Variants in HDAC9 observed in about 807,000 individuals in gnomAD.
HDAC9 encodes MEF-2 interacting transcription repressor (MITR) protein.
Under a neutral mutation model 139.4 loss-of-function variants are expected in HDAC9, and 41 were observed. That is an observed-to-expected ratio of 0.29 (90% CI 0.23 to 0.38). The LOEUF is 0.38. HDAC9 is among the 10% of genes least tolerant of loss of function. The pLI is 1.00. For synonymous variants in HDAC9, 517 were observed against 476.2 expected, an observed-to-expected ratio of 1.09 and a Z score of -1.12; for missense variants, 1,147 against 1,297.0, an observed-to-expected ratio of 0.88 and a Z score of 1.78.
chr7:18,380,910 C>T (rs1785373778), intron 1 of HDAC9, among the ~76,000 whole-genome samples: 1 of 151,990 alleles, frequency 6.6e-6, no homozygotes, highest in African/African-American at 2.4e-5. Context: ...AAGATTAGGG[C>T]CAGGTGCTGT....
chr7:18,666,039 A>T (rs1232542009), intron 11 of HDAC9, among the ~76,000 whole-genome samples, 174 bp from the exon 12 acceptor site: 1 of 152,150 alleles, frequency 6.6e-6, no homozygotes. Context: ...GAATAATGGG[A>T]CTACTTTAGA....
rs1816940172 is a variant in HDAC9, at chr7:18,550,995, G to A, written c.23-34286G>A. On this transcript the variant is annotated intron_variant, in intron 2 of 25. Coordinates refer to ENST00000686413, the MANE Select transcript of HDAC9 (RefSeq NM_178425.4). ...TTCTATACTCTTAGCTGTGAAGGTAGAGAGAATTATTATTCATATTATTAA... is the reference window on the plus strand; with the variant it reads ...TTCTATACTCTTAGCTGTGAAGGTAAAGAGAATTATTATTCATATTATTAA... 2.0e-5 allele frequency among the ~76,000 whole-genome samples: 3 copies of A among 152,222 alleles called. No individual in the cohort carries two copies. In the South Asian group the frequency reaches 6.2e-4, roughly 32 times the overall value.
At chr7:18,283,794 G>C (rs914199956) in intron 2 of HDAC9, among the ~76,000 whole-genome samples, 2 of 152,164 alleles carry the variant, frequency 1.3e-5, no homozygotes, top group African/African-American at 4.8e-5. Context: ...TTCAGCTGCA[G>C]AATTAAATGA....
At chr7:18,092,733 A>G (rs1414947790) in intron 1 of HDAC9, among the ~76,000 whole-genome samples, 1 of 152,176 alleles carries the variant, frequency 6.6e-6, no homozygotes, top group Non-Finnish European at 1.5e-5. Flanking sequence ...ATGGGATTGA[A>G]TTGGAAAGTG....
chr7:18,135,837 C>G (rs1249927021), intron 1 of HDAC9, among the ~76,000 whole-genome samples: 2 of 144,544 alleles, frequency 1.4e-5, no homozygotes, highest in East Asian at 3.9e-4. Flanking sequence ...ATGGCTGGGT[C>G]AAATGGTATT....
chr7:18,736,880 G>C (rs755233474), intron 13 of HDAC9, among the ~76,000 whole-genome samples: 1 of 152,014 alleles, frequency 6.6e-6, no homozygotes, highest in Non-Finnish European at 1.5e-5. Context: ...TTTTTTGGTT[G>C]GTAGGCTATT....
chr7:18,301,628 A>G (rs1368437347), intron 1 of HDAC9, among the ~76,000 whole-genome samples: 1 of 152,206 alleles, frequency 6.6e-6, no homozygotes, highest in African/African-American at 2.4e-5. Flanking sequence ...ATTTACATAT[A>G]TAAAAATGTA....
rs1401663809 is a variant in HDAC9, at chr7:18,998,521, C to G, written c.*2459C>G. On this transcript the variant is annotated 3_prime_UTR_variant, in exon 26 of 26. Transcript: ENST00000686413. ...TATCCACAGCATGTAGTTGTAAGAA[C>G]AGAATGCCATTGCTTTTTGATTATA... 6.6e-6 allele frequency: 1 copy of G among 152,202 alleles called. No individual in the cohort carries two copies. The highest frequency in any genetic ancestry group is 1.5e-5 in the Non-Finnish European group (1 of 68,046). 9.4% of individuals were successfully genotyped at this position (152,202 alleles called of 1,614,324 possible).
intron 2 of HDAC9, among the ~76,000 whole-genome samples, chr7:18,260,330 T>G (rs1409901373): frequency 1.4e-5 from 2 of 147,728 alleles, no homozygotes; most frequent in Admixed American, 6.8e-5. Context: ...TTTGTTTTTT[T>G]TTTTTTTGAG....
upstream of HDAC9, among the ~76,000 whole-genome samples, chr7:18,491,343 G>C (rs1796350242): frequency 6.6e-6 from 1 of 151,776 alleles, no homozygotes; most frequent in Admixed American, 6.6e-5. Context: ...AGGTATACTA[G>C]CAACAGTCAC....
rs77849161 is a variant in HDAC9 at position 18,813,919 on chromosome 7, C to T, written c.2323-15242C>T. On this transcript the variant is annotated intron_variant, in intron 17 of 25. Coordinates refer to ENST00000686413, the MANE Select transcript of HDAC9 (RefSeq NM_178425.4). ...GGTGTTCCCACACCACAGTCCATTT[C>T]CTTCTAGGATGTTAGTCCCTCCGTC... is the stretch of plus-strand genomic sequence containing the variant. Among the ~76,000 whole-genome samples, 1,308 of 152,286 alleles carry T rather than the reference C, an allele frequency of 8.6e-3. 27 individuals carry two copies. The highest frequency in any genetic ancestry group is 0.03 in the African/African-American group (1,248 of 41,556).
chr7:18,895,630 T>G (rs1023850821), intron 22 of HDAC9, among the ~76,000 whole-genome samples: 1 of 152,138 alleles, frequency 6.6e-6, no homozygotes, highest in African/African-American at 2.4e-5. Context: ...GAGTGTTATC[T>G]TTTTATGAAA....
At chr7:18,795,387 G>C (rs921141401) in intron 17 of HDAC9, among the ~76,000 whole-genome samples, 1 of 151,696 alleles carries the variant, frequency 6.6e-6, no homozygotes, top group Non-Finnish European at 1.5e-5. Context: ...CTCAATTTCT[G>C]GTTCTGCACA....
chr7:18,700,070 G>C (rs1269473539), intron 12 of HDAC9, among the ~76,000 whole-genome samples: 1 of 151,950 alleles, frequency 6.6e-6, no homozygotes, highest in Non-Finnish European at 1.5e-5. Flanking sequence ...CATAGATGAT[G>C]GTTATAGAGT....
At chr7:18,727,447 T>A (rs973823078) in intron 12 of HDAC9, 133 bp from the exon 13 acceptor site, 1 of 705,632 alleles carries the variant, frequency 1.4e-6, no homozygotes, top group Non-Finnish European at 2.3e-6. Flanking sequence ...TTTCTCTATT[T>A]TTTTTTTCTT....
At chr7:18,823,805 C>A (rs1035123936) in intron 17 of HDAC9, among the ~76,000 whole-genome samples, 1 of 151,784 alleles carries the variant, frequency 6.6e-6, no homozygotes. Context: ...AGAGCAAAAC[C>A]CCATCTTCAC....
At chr7:18,590,652 C>T (rs988020661) in intron 4 of HDAC9, among the ~76,000 whole-genome samples, 166 bp downstream of exon 4, 1 of 152,152 alleles carries the variant, frequency 6.6e-6, no homozygotes, top group Non-Finnish European at 1.5e-5. Context: ...ATTTACATAC[C>T]AGCTCACATC....
At chr7:18,142,144 A>G (rs916714605) in intron 1 of HDAC9, among the ~76,000 whole-genome samples, 46 of 152,186 alleles carry the variant, frequency 3.0e-4, no homozygotes, top group African/African-American at 1.1e-3. Flanking sequence ...CCTAGAGAGT[A>G]TAGAGCAAGG....
intron 22 of HDAC9, among the ~76,000 whole-genome samples, chr7:18,878,872 C>T (rs190202735): frequency 6.6e-6 from 1 of 152,166 alleles, no homozygotes. Context: ...AGTCAAACTC[C>T]CTGTTTGCAG....
Sources: allele counts gnomAD v4.1 joint callset (sites outside exome capture counted in the v4.1 genomes callset), GRCh38; gene constraint gnomAD v4.1.1; transcripts MANE v1.5; gene names NCBI Gene and HGNC (gene_info 2026-07-23, HGNC 2026-07-21).